Variants in CFDP1 observed in about 807,000 individuals in gnomAD.
CFDP1 encodes the protein chromatin remodeling protein CFDP1.
A neutral mutation model predicts 40.1 loss-of-function variants in CFDP1; 31 were observed. The ratio of observed to expected loss-of-function variants is 0.77; its 90% confidence interval spans 0.58 to 1.04. CFDP1 has a LOEUF of 1.04. Among genes scored for constraint, CFDP1 ranks in the 50% least tolerant of loss-of-function variants. The pLI is 0.00. For synonymous variants in CFDP1, 167 were observed against 120.0 expected (o/e 1.39, Z -2.56); for missense variants, 423 against 343.4 (o/e 1.23, Z -1.83).
chr16:75,381,526 T>C (rs1230687929), intron 5 of CFDP1, among the ~76,000 whole-genome samples: 4 of 152,100 alleles, frequency 2.6e-5, no homozygotes, highest in East Asian at 1.9e-4. Flanking sequence ...TCAACTACTA[T>C]TGAGGAAAAT....
intron 1 of CFDP1, among the ~76,000 whole-genome samples, chr16:75,432,505 C>T (rs1014423869): frequency 6.6e-6 from 1 of 151,672 alleles, no homozygotes; most frequent in African/African-American, 2.4e-5. Context: ...GAGCCAAGAT[C>T]GCATCACTGC....
chr16:75,393,621 C>T (rs1359164932), intron 5 of CFDP1, among the ~76,000 whole-genome samples: 1 of 150,490 alleles, frequency 6.6e-6, no homozygotes, highest in Admixed American at 6.6e-5. Flanking sequence ...GTCCCAGCTA[C>T]TCGGGAGGCT....
At chr16:75,377,636 T>C (rs2078812678) in intron 5 of CFDP1, among the ~76,000 whole-genome samples, 1 of 152,230 alleles carries the variant, frequency 6.6e-6, no homozygotes, top group Non-Finnish European at 1.5e-5. Context: ...CTAGTCAATT[T>C]AGTTCCAAAG....
chr16:75,403,093 G>C (rs1276134049), intron 4 of CFDP1, among the ~76,000 whole-genome samples: 2 of 151,972 alleles, frequency 1.3e-5, no homozygotes, highest in Non-Finnish European at 2.9e-5. Context: ...AACAGCAGAC[G>C]CCCTGAATAC....
At chr16:75,414,806 G>A in intron 1 of CFDP1, 111 bp from the exon 2 acceptor site, 1 of 735,526 alleles carries the variant, frequency 1.4e-6, no homozygotes, top group African/African-American at 1.8e-5. Context: ...AAGAAAAAGT[G>A]AATTTTCCCC....
intron 5 of CFDP1, among the ~76,000 whole-genome samples, chr16:75,393,725 G>A (rs1182926327): frequency 1.3e-4 from 16 of 119,072 alleles, no homozygotes; most frequent in East Asian, 5.0e-4. Context: ...GCGACAGAGC[G>A]AGACTCCGTC....
chr16:75,363,885 C>A (rs184133405), intron 5 of CFDP1, among the ~76,000 whole-genome samples: 1 of 151,110 alleles, frequency 6.6e-6, no homozygotes, highest in Non-Finnish European at 1.5e-5. Flanking sequence ...GCGAGCAAAA[C>A]AGATTTGATT....
At chr16:75,383,442 T>C (rs1432191425) in intron 5 of CFDP1, among the ~76,000 whole-genome samples, 1 of 152,222 alleles carries the variant, frequency 6.6e-6, no homozygotes, top group Admixed American at 6.5e-5. Context: ...CATTCTTCCC[T>C]GATGTTAAAA....
At chr16:75,426,617 A>C (rs2079345438) in intron 1 of CFDP1, among the ~76,000 whole-genome samples, 1 of 152,026 alleles carries the variant, frequency 6.6e-6, no homozygotes, top group South Asian at 2.1e-4. Flanking sequence ...TAAAGGTTGC[A>C]GTGAGGTGAA....
intron 5 of CFDP1, among the ~76,000 whole-genome samples, chr16:75,373,431 G>C (rs1189646393): frequency 6.6e-6 from 1 of 152,050 alleles, no homozygotes; most frequent in African/African-American, 2.4e-5. Context: ...TGGAGGAGAG[G>C]GAAGCTTCTC....
chr16:75,332,140 AC>A (rs2078450387), intron 5 of CFDP1, among the ~76,000 whole-genome samples: 3 of 152,084 alleles, frequency 2.0e-5, no homozygotes, highest in African/African-American at 7.2e-5. Flanking sequence ...CATTTAGAAA[AC>A]TGAGTTCAGA....
At chr16:75,320,246 C>T (rs2078352836) in intron 5 of CFDP1, among the ~76,000 whole-genome samples, 1 of 152,182 alleles carries the variant, frequency 6.6e-6, no homozygotes, top group African/African-American at 2.4e-5. Flanking sequence ...AGTTTCTTTG[C>T]ATTCTGAGAC....
At chr16:75,380,404 GT>G (rs1369764828) in intron 5 of CFDP1, among the ~76,000 whole-genome samples, 1 of 152,144 alleles carries the variant, frequency 6.6e-6, no homozygotes, top group East Asian at 1.9e-4. Flanking sequence ...AGCCGGCAGG[GT>G]GGGGTGGGGG....
intron 5 of CFDP1, among the ~76,000 whole-genome samples, chr16:75,349,929 T>C (rs1221837758): frequency 1.3e-5 from 2 of 151,690 alleles, no homozygotes; most frequent in East Asian, 1.9e-4. Context: ...AGAATAGAGA[T>C]GGCATGAGTA....
rs2078231325 is a variant in CFDP1, at chr16:75,302,998, G to A, written c.809+2026C>T. Among the ~76,000 whole-genome samples, 3 of 152,272 alleles carry A rather than the reference G, an allele frequency of 2.0e-5. No individual in the cohort carries two copies. The South Asian group carries it at 6.2e-4, about 32-fold the overall frequency. Reference sequence around the variant, plus strand: ...GCAGATCACCCGAGGTCAGGAGTTTGAGACCAGCCTGCCCAACATGGTGAA... The same window carrying A: ...GCAGATCACCCGAGGTCAGGAGTTTAAGACCAGCCTGCCCAACATGGTGAA... On this transcript the variant is annotated intron_variant, in intron 6 of 6. Coordinates refer to ENST00000283882, the MANE Select transcript of CFDP1 (RefSeq NM_006324.3).
intron 3 of CFDP1, 22 bp from the exon 4 acceptor site, chr16:75,411,974 T>A (rs1206074297): frequency 6.3e-7 from 1 of 1,576,900 alleles, no homozygotes; most frequent in Non-Finnish European, 8.5e-7. Context: ...ACAAGAAATG[T>A]AATGTTTCAC....
At chr16:75,421,077 G>A (rs185630731) in intron 1 of CFDP1, among the ~76,000 whole-genome samples, 146 of 152,230 alleles carry the variant, frequency 9.6e-4, no homozygotes, top group African/African-American at 3.3e-3. Context: ...AGAATCTCCG[G>A]CCAGCCAGCA....
chr16:75,316,569 TAAAAAA>T (rs780200659), intron 5 of CFDP1, among the ~76,000 whole-genome samples: 1 of 26,580 alleles, frequency 3.8e-5, no homozygotes, highest in Non-Finnish European at 7.9e-5. Context: ...AGACCCTGTC[TAAAAAA>T]AAAAAAAAAA....
chr16:75,309,361 C>T (rs2078278432), intron 5 of CFDP1, among the ~76,000 whole-genome samples: 1 of 151,904 alleles, frequency 6.6e-6, no homozygotes. Context: ...GGCGCTGACC[C>T]TATTCTGAGA....
Sources: gnomAD v4.1 joint callset for allele counts (sites outside exome capture counted in the v4.1 genomes callset) on GRCh38, gnomAD v4.1.1 for gene constraint, MANE v1.5 for transcripts, NCBI Gene and HGNC (gene_info 2026-07-23, HGNC 2026-07-21) for gene names.